Variants in ACBD6 observed in about 807,000 individuals in gnomAD.
ACBD6 encodes the protein acyl-CoA-binding domain-containing protein 6.
Under a neutral mutation model 37.2 loss-of-function variants are expected in ACBD6, and 28 were observed. The ratio of observed to expected loss-of-function variants is 0.75; its 90% CI spans 0.56 to 1.03. ACBD6 has a LOEUF of 1.03. Among genes scored for constraint, ACBD6 ranks in the 50% least tolerant of loss-of-function variants. The probability of loss-of-function intolerance (pLI) is 0.00; values close to 1 mark genes in which losing one functional copy is unlikely to be tolerated. For missense variants in ACBD6, 340 were observed against 337.4 expected, an observed-to-expected ratio of 1.01 and a Z score of -0.06; for synonymous variants, 113 against 126.8, an observed-to-expected ratio of 0.89 and a Z score of 0.73.
intron 3 of ACBD6, among the ~76,000 whole-genome samples, chr1:180,430,480 G>T (rs560105174): frequency 6.6e-6 from 1 of 152,176 alleles, no homozygotes; most frequent in African/African-American, 2.4e-5. Context: ...GCAATCTAAG[G>T]TATTCCAGTA....
chr1:180,309,849 G>A (rs1342511226), intron 7 of ACBD6, among the ~76,000 whole-genome samples: 2 of 152,104 alleles, frequency 1.3e-5, no homozygotes, highest in East Asian at 3.8e-4. Context: ...GGGTGGCTGA[G>A]ACAAATTTTT....
At chr1:180,474,524 C>T (rs551679957) in intron 3 of ACBD6, among the ~76,000 whole-genome samples, 1 of 152,164 alleles carries the variant, frequency 6.6e-6, no homozygotes, top group South Asian at 2.1e-4. Context: ...GTTAAGCAAG[C>T]CTAGGCCTGA....
intron 5 of ACBD6, among the ~76,000 whole-genome samples, chr1:180,407,503 G>A (rs1006860302): frequency 1.3e-5 from 2 of 152,152 alleles, no homozygotes; most frequent in Non-Finnish European, 2.9e-5. Flanking sequence ...AGTGATCTTT[G>A]TGGAGGTCAC....
intron 6 of ACBD6, among the ~76,000 whole-genome samples, chr1:180,328,384 T>C (rs1040638090): frequency 4.6e-5 from 7 of 151,890 alleles, no homozygotes; most frequent in South Asian, 2.1e-4. Flanking sequence ...TACACACATA[T>C]ATATTCCAAG....
In ACBD6 at chr1:180,372,277, T is replaced by C. The variant is rs192392518; in HGVS notation, c.663+25239A>G. On this transcript the variant is annotated intron_variant, in intron 6 of 7. Transcript: ENST00000367595. ...ATATATACAGAAAAGTAGACACCTA[T>C]TACACAGATTCAACAATTAACTTTC... Among the ~76,000 whole-genome samples the C allele has an allele frequency of 5.3e-5, 8 of 152,262 alleles. No individual in the cohort carries two copies. The East Asian group carries it at 1.2e-3, about 22-fold the overall frequency.
At chr1:180,413,494 C>T in intron 4 of ACBD6, 23 bp from the exon 5 acceptor site, 1 of 1,499,632 alleles carries the variant, frequency 6.7e-7, no homozygotes. Flanking sequence ...AAAGAAAGGT[C>T]TTTTTTTACT....
At chr1:180,438,821 T>C (rs527883043) in intron 3 of ACBD6, among the ~76,000 whole-genome samples, 15 of 152,210 alleles carry the variant, frequency 9.9e-5, no homozygotes, top group South Asian at 4.2e-4. Flanking sequence ...ATTCTATGGG[T>C]TTGACAAACA....
chr1:180,456,085 G>A (rs530508876), intron 3 of ACBD6, among the ~76,000 whole-genome samples: 94 of 151,872 alleles, frequency 6.2e-4, no homozygotes, highest in Non-Finnish European at 9.3e-4. Flanking sequence ...GGTGACACAT[G>A]CCTATAGTCC....
Position 180,311,250 on chromosome 1 carries a change from T to C in ACBD6, c.694+3442A>G, listed in dbSNP as rs577549815. Among the ~76,000 whole-genome samples the C allele has an allele frequency of 3.3e-5, 5 of 152,294 alleles. No individual in the cohort carries two copies. In the South Asian group the frequency reaches 1.0e-3, roughly 32 times the overall value. ...TCTCTGCATCGCTCTGATGGGACTT[T>C]GGAGGCAAGAGGAAATGACAAAAAC... On this transcript the variant is annotated intron_variant, in intron 7 of 7. Transcript: ENST00000367595.
At chr1:180,477,567 TA>T (rs1279711981) in intron 3 of ACBD6, among the ~76,000 whole-genome samples, 1 of 152,168 alleles carries the variant, frequency 6.6e-6, no homozygotes, top group Non-Finnish European at 1.5e-5. Flanking sequence ...AGTTTATCAT[TA>T]GAACGAATTT....
At chr1:180,463,528 A>G (rs1296064270) in intron 3 of ACBD6, among the ~76,000 whole-genome samples, 1 of 152,098 alleles carries the variant, frequency 6.6e-6, no homozygotes, top group Non-Finnish European at 1.5e-5. Context: ...CCCTAAAAAG[A>G]CGAATAACGA....
chr1:180,336,866 T>A (rs1257288649), intron 6 of ACBD6, among the ~76,000 whole-genome samples: 1 of 152,160 alleles, frequency 6.6e-6, no homozygotes, highest in East Asian at 1.9e-4. Flanking sequence ...CATCAGAGAA[T>A]ACTATAAACA....
chr1:180,456,289 A>G (rs1218653864), intron 3 of ACBD6, among the ~76,000 whole-genome samples: 1 of 152,162 alleles, frequency 6.6e-6, no homozygotes. Flanking sequence ...CAAACCCTCA[A>G]AAAGTTTCAA....
At chr1:180,429,033 C>T (rs1648709291) in intron 4 of ACBD6, among the ~76,000 whole-genome samples, 1 of 152,144 alleles carries the variant, frequency 6.6e-6, no homozygotes, top group Non-Finnish European at 1.5e-5. Context: ...AGTACTTTCA[C>T]TGAAGATCTA....
At chr1:180,449,885 C>T (rs753558098) in intron 3 of ACBD6, among the ~76,000 whole-genome samples, 6 of 147,028 alleles carry the variant, frequency 4.1e-5, no homozygotes, top group Non-Finnish European at 6.0e-5. Context: ...ACATTGTGCA[C>T]ATGTACCCTA....
At chr1:180,449,080 T>C (rs1265225133) in intron 3 of ACBD6, among the ~76,000 whole-genome samples, 3 of 152,196 alleles carry the variant, frequency 2.0e-5, no homozygotes, top group Admixed American at 2.0e-4. Flanking sequence ...TTGCTAAAGT[T>C]GGTATGTTTC....
chr1:180,463,740 C>T (rs960724138), intron 3 of ACBD6, among the ~76,000 whole-genome samples: 4 of 152,146 alleles, frequency 2.6e-5, no homozygotes, highest in Non-Finnish European at 5.9e-5. Flanking sequence ...CAAAACCTGG[C>T]AGAGACACAA....
At chr1:180,375,378 T>C (rs1375149874) in intron 6 of ACBD6, among the ~76,000 whole-genome samples, 1 of 151,786 alleles carries the variant, frequency 6.6e-6, no homozygotes, top group East Asian at 1.9e-4. Context: ...CAGGCTGGAG[T>C]GCAGTGGCAC....
At chr1:180,499,806 G>A (rs1651880854) in intron 1 of ACBD6, among the ~76,000 whole-genome samples, 1 of 152,014 alleles carries the variant, frequency 6.6e-6, no homozygotes, top group Admixed American at 6.6e-5. Flanking sequence ...TAATTCCAAG[G>A]CCAATTTGGA....
Sources: gnomAD v4.1 joint callset for allele counts (sites outside exome capture counted in the v4.1 genomes callset) on GRCh38, gnomAD v4.1.1 for gene constraint, MANE v1.5 for transcripts, NCBI Gene and HGNC (gene_info 2026-07-23, HGNC 2026-07-21) for gene names.